Variants in ZNF148 observed in about 807,000 individuals in gnomAD.
ZNF148 encodes the protein Beta-Enolase Repressor Factor-1.
A neutral mutation model predicts 67.7 loss-of-function variants in ZNF148; 7 were observed. That is an observed-to-expected ratio of 0.10 (90% confidence interval 0.06 to 0.19). The LOEUF (loss-of-function observed/expected upper bound fraction) is 0.19. Ranked by LOEUF, ZNF148 falls within the 10% of genes least tolerant of loss-of-function variation. ZNF148 has a pLI of 1.00. For missense variants in ZNF148, 583 were observed against 947.1 expected, an observed-to-expected ratio of 0.62 and a Z score of 5.05; for synonymous variants, 333 against 330.7, an observed-to-expected ratio of 1.01 and a Z score of -0.08.
At chr3:125,261,264 T>C (rs549759996) in intron 7 of ZNF148, among the ~76,000 whole-genome samples, 1 of 152,258 alleles carries the variant, frequency 6.6e-6, no homozygotes, top group African/African-American at 2.4e-5. Context: ...TTGTTTGAAC[T>C]AAAGACCCAA....
chr3:125,299,849 C>T (rs1184208413), intron 4 of ZNF148, among the ~76,000 whole-genome samples: 1 of 152,200 alleles, frequency 6.6e-6, no homozygotes, highest in Admixed American at 6.5e-5. Context: ...AGAGTAAAAT[C>T]TTGTGAAAAA....
chr3:125,354,940 G>T (rs942399396), intron 1 of ZNF148, among the ~76,000 whole-genome samples: 1 of 152,080 alleles, frequency 6.6e-6, no homozygotes, highest in Admixed American at 6.5e-5. Context: ...AAATTTATCT[G>T]TATCAAGCAA....
At chr3:125,309,949 T>C (rs542552388) in intron 4 of ZNF148, among the ~76,000 whole-genome samples, 23 of 152,288 alleles carry the variant, frequency 1.5e-4, no homozygotes, top group African/African-American at 5.3e-4. Flanking sequence ...ATAGCAATCA[T>C]ATGGCGTCTG....
intron 4 of ZNF148, among the ~76,000 whole-genome samples, chr3:125,293,826 AAT>A (rs1462651700): frequency 2.0e-5 from 3 of 152,228 alleles, no homozygotes; most frequent in African/African-American, 2.4e-5. Flanking sequence ...ACATCATGGT[AAT>A]AACCATTACA....
intron 4 of ZNF148, 144 bp downstream of exon 4, chr3:125,313,164 T>C (rs1167376043): frequency 1.8e-6 from 1 of 552,126 alleles, no homozygotes; most frequent in African/African-American, 1.9e-5. Flanking sequence ...CTTTCAAATA[T>C]GATTTATGTC....
chr3:125,295,354 G>A lies in ZNF148; in HGVS notation c.334-7126C>T, dbSNP rs899818662. Among the ~76,000 whole-genome samples the A allele has an allele frequency of 3.9e-5, 6 of 152,052 alleles. No individual in the cohort carries two copies. The East Asian group carries it at 9.7e-4, about 25-fold the overall frequency. On this transcript the variant is annotated intron_variant, in intron 4 of 8. Coordinates refer to ENST00000360647, the MANE Select transcript of ZNF148 (RefSeq NM_021964.3). ...TGTAATCCCAGCTACTTGGGAGGCT[G>A]AGGCAGGAAAATAGCTTGAACCCAG...
chr3:125,361,762 G>A (rs1942548818), intron 1 of ZNF148, among the ~76,000 whole-genome samples: 1 of 152,134 alleles, frequency 6.6e-6, no homozygotes, highest in East Asian at 1.9e-4. Context: ...GAACCTGGGA[G>A]GCAGAGGCTG....
intron 4 of ZNF148, among the ~76,000 whole-genome samples, chr3:125,297,822 C>T (rs1186535693): frequency 6.6e-6 from 1 of 152,084 alleles, no homozygotes; most frequent in Non-Finnish European, 1.5e-5. Flanking sequence ...TCAGTATGTA[C>T]TAAAGCTGAA....
chr3:125,325,706 C>T (rs191312644), intron 2 of ZNF148, among the ~76,000 whole-genome samples: 135 of 152,252 alleles, frequency 8.9e-4, no homozygotes, highest in African/African-American at 3.2e-3. Flanking sequence ...CTCAGGTGAT[C>T]TGACCATCTT....
chr3:125,352,417 G>A (rs905476560), intron 1 of ZNF148, among the ~76,000 whole-genome samples: 59 of 152,264 alleles, frequency 3.9e-4, no homozygotes, highest in Middle Eastern at 3.4e-3. Flanking sequence ...CTGCTAATGG[G>A]TAGTTTCTTT....
chr3:125,244,851 T>G (rs540470036), intron 7 of ZNF148, among the ~76,000 whole-genome samples: 8 of 152,172 alleles, frequency 5.3e-5, no homozygotes, highest in Admixed American at 5.2e-4. Flanking sequence ...GATCCCTTTC[T>G]TTTTCTTGAA....
intron 2 of ZNF148, among the ~76,000 whole-genome samples, chr3:125,324,371 G>A (rs186473932): frequency 1.3e-3 from 198 of 152,130 alleles, no homozygotes; most frequent in African/African-American, 4.7e-3. Context: ...CAATAGAAAC[G>A]ATTATGGTTA....
chr3:125,234,434 T>C (rs1373303568), intron 7 of ZNF148, 105 bp from the exon 8 acceptor site: 4 of 761,672 alleles, frequency 5.3e-6, no homozygotes, highest in Non-Finnish European at 8.7e-6. Context: ...AGTTGTAACT[T>C]CCAATTTCAT....
chr3:125,279,194 G>A lies in ZNF148; in HGVS notation c.513C>T (p.His171=), dbSNP rs776779647. 6.2e-6 allele frequency: 10 copies of A among 1,604,162 alleles called. No homozygotes were observed. Among genetic ancestry groups the A allele is most frequent in the African/African-American group, 1.4e-5 (1 of 73,994 alleles). The change falls in exon 6 of 9, where the codon CAC becomes CAT. Residue 171 remains histidine, a synonymous_variant. Coordinates refer to ENST00000360647, the MANE Select transcript of ZNF148 (RefSeq NM_021964.3). ...AGGCAGCATTGCAGTGCTCACAAAC[G>A]TGAGATTTAGGGGTTTTCAAACCAA... The part of the protein sequence containing the change: ...GSLGLKTPKS[H]VCEHCNAAFR...
Position 125,293,281 on chromosome 3 carries a change from A to G in ZNF148, c.334-5053T>C, listed in dbSNP as rs143107462. 3.3e-3 allele frequency among the ~76,000 whole-genome samples: 500 copies of G among 152,162 alleles called. 20 individuals carry two copies. The East Asian group carries it at 0.062, about 19-fold the overall frequency. On this transcript the variant is annotated intron_variant, in intron 4 of 8. Coordinates refer to ENST00000360647, the MANE Select transcript of ZNF148 (RefSeq NM_021964.3). The stretch of plus-strand genomic sequence containing the variant: ...ACAATCCCTTTCTCTCTTTCACTCA[A>G]TCTCTTTTAATACAGATGCCCGGGC...
intron 1 of ZNF148, among the ~76,000 whole-genome samples, chr3:125,352,355 A>G (rs1263188955): frequency 1.3e-5 from 2 of 152,210 alleles, no homozygotes; most frequent in African/African-American, 4.8e-5. Flanking sequence ...CTAGAGACTG[A>G]AAGTAGACTA....
chr3:125,335,742 T>C (rs1164115969), intron 1 of ZNF148, among the ~76,000 whole-genome samples: 3 of 152,240 alleles, frequency 2.0e-5, no homozygotes, highest in Non-Finnish European at 2.9e-5. Context: ...TTCAAATATT[T>C]CACATTTCAT....
chr3:125,333,594 T>C (rs896399052), intron 1 of ZNF148, among the ~76,000 whole-genome samples: 9 of 152,130 alleles, frequency 5.9e-5, no homozygotes, highest in African/African-American at 9.7e-5. Flanking sequence ...AAAAGACAGA[T>C]AGAAAATTAC....
intron 1 of ZNF148, chr3:125,344,095 T>C (rs183213897): frequency 5.4e-6 from 1 of 185,296 alleles, no homozygotes; most frequent in African/African-American, 2.4e-5. Flanking sequence ...GTTACCCAAG[T>C]GCAGCAGCTG....
Sources: allele counts gnomAD v4.1 joint callset (sites outside exome capture counted in the v4.1 genomes callset), GRCh38; gene constraint gnomAD v4.1.1; transcripts MANE v1.5; gene names NCBI Gene and HGNC (gene_info 2026-07-23, HGNC 2026-07-21).